PAPOLA: variants seen among roughly 807,000 people sequenced by gnomAD.
PAPOLA encodes the protein polynucleotide adenylyltransferase alpha.
In PAPOLA, 15 loss-of-function variants were observed where a neutral mutation model predicts 100.6. The observed-to-expected ratio is 0.15, with a 90% CI of 0.10 to 0.23. The LOEUF (loss-of-function observed/expected upper bound fraction) is 0.23. Ranked by LOEUF, PAPOLA falls within the 10% of genes least tolerant of loss-of-function variation. The pLI is 1.00. For missense variants in PAPOLA, 533 were observed against 884.2 expected (o/e 0.60, Z 5.04); for synonymous variants, 293 against 300.0 (o/e 0.98, Z 0.24).
chr14:96,527,888 A>G (rs1898632445), intron 5 of PAPOLA, 65 bp from the exon 6 acceptor site: 1 of 1,098,596 alleles, frequency 9.1e-7, no homozygotes. Context: ...TTGCTAAAGT[A>G]CTAAAACTAG....
chr14:96,528,023 A>G lies in PAPOLA; in HGVS notation c.495+17A>G. 1 of 1,555,736 alleles carries G rather than the reference A, an allele frequency of 6.4e-7. No homozygotes were observed. Among genetic ancestry groups the G allele is most frequent in the Non-Finnish European group, 8.9e-7 (1 of 1,127,104 alleles). ...GGGATAGAGGTAAGGTATAGTTCAA[A>G]TTGACAGTTCTTGCTATGTGCTGTC... On this transcript the variant is annotated intron_variant, in intron 6 of 21. Transcript: ENST00000216277.
intron 11 of PAPOLA, among the ~76,000 whole-genome samples, 181 bp downstream of exon 11, chr14:96,536,180 A>G: frequency 6.6e-6 from 1 of 152,130 alleles, no homozygotes; most frequent in Non-Finnish European, 1.5e-5. Flanking sequence ...CTTTTAGGCA[A>G]TTTGTTTTTT....
At chr14:96,550,345 CTT>C (rs1900747054) in intron 16 of PAPOLA, among the ~76,000 whole-genome samples, 1 of 152,038 alleles carries the variant, frequency 6.6e-6, no homozygotes, top group South Asian at 2.1e-4. Flanking sequence ...TTTTTAAACT[CTT>C]AGTATTTCCA....
intron 10 of PAPOLA, 136 bp from the exon 11 acceptor site, chr14:96,535,743 A>G (rs973533882): frequency 4.7e-6 from 4 of 855,850 alleles, no homozygotes; most frequent in African/African-American, 1.8e-5. Flanking sequence ...GTCTCTCTAC[A>G]TGGTTTTTCT....
chr14:96,533,091 T>C, intron 9 of PAPOLA: 5 of 979,730 alleles, frequency 5.1e-6, no homozygotes, highest in Non-Finnish European at 6.1e-6. Context: ...GATACGAATT[T>C]TCATAAGAAG....
intron 21 of PAPOLA, among the ~76,000 whole-genome samples, chr14:96,563,132 C>T (rs968436331): frequency 3.9e-5 from 6 of 152,148 alleles, no homozygotes; most frequent in Admixed American, 3.3e-4. Context: ...TTATTTGATA[C>T]TGCAAATCAT....
intron 17 of PAPOLA, among the ~76,000 whole-genome samples, chr14:96,554,582 G>A (rs1901131493): frequency 6.6e-6 from 1 of 152,016 alleles, no homozygotes; most frequent in Non-Finnish European, 1.5e-5. Flanking sequence ...TCAGAGTGTG[G>A]GTGATAGCTC....
intron 16 of PAPOLA, among the ~76,000 whole-genome samples, chr14:96,548,435 A>C (rs555898445): frequency 7.4e-4 from 112 of 152,278 alleles, no homozygotes; most frequent in African/African-American, 2.5e-3. Flanking sequence ...TTCTAGTGTT[A>C]GTGCTTCCTT....
At chr14:96,507,517 C>G (rs925009353) in intron 1 of PAPOLA, among the ~76,000 whole-genome samples, 1 of 151,908 alleles carries the variant, frequency 6.6e-6, no homozygotes, top group Non-Finnish European at 1.5e-5. Flanking sequence ...CCTCGTGATC[C>G]GCCTGCCTCG....
At chr14:96,502,843 C>T (rs1211899138) in intron 1 of PAPOLA, 26 of 425,630 alleles carry the variant, frequency 6.1e-5, no homozygotes, top group South Asian at 2.0e-4. Flanking sequence ...GGCCGGGGGC[C>T]TTCCCCTTCC....
Position 96,522,321 on chromosome 14 carries a change from C to T in PAPOLA, c.249+1249C>T, listed in dbSNP as rs1274504902. Among the ~76,000 whole-genome samples, 27 of 151,532 alleles carry T rather than the reference C, an allele frequency of 1.8e-4. 1 individual carries two copies. The highest frequency in any genetic ancestry group is 5.9e-5 in the Non-Finnish European group (4 of 67,898). On this transcript the variant is annotated intron_variant, in intron 3 of 21. Coordinates refer to ENST00000216277, the MANE Select transcript of PAPOLA (RefSeq NM_032632.5). The stretch of plus-strand genomic sequence containing the variant: ...TTTTAGTAGAGATGGGCTTTTGCCA[C>T]GTTGACCAGCTGGTCTCAAACTTTT...
intron 9 of PAPOLA, chr14:96,534,161 G>T: frequency 9.4e-7 from 1 of 1,065,380 alleles, no homozygotes. Flanking sequence ...TTGTCTTTCA[G>T]TGGAGATTTA....
chr14:96,537,023 A>C lies in PAPOLA; in HGVS notation c.1078A>C (p.Lys360Gln), dbSNP rs1480109176. Residue 360 changes from lysine (K) to glutamine (Q), a missense_variant, in exon 12 of 22, where the codon AAA (lysine) becomes CAA (glutamine). Physicochemically the swap from Lys to Gln is moderately conservative, Grantham distance 53. Coordinates refer to ENST00000216277, the MANE Select transcript of PAPOLA (RefSeq NM_032632.5). ...TTTGCTGAGTAAGGCAGAGTGGTCC[A>C]AACTTTTTGAAGCTCCAAACTTCTT... Reference protein sequence around the residue: ...EILLSKAEWSKLFEAPNFFQK... With the variant: ...EILLSKAEWSQLFEAPNFFQK... 6.2e-7 allele frequency: 1 copy of C among 1,609,110 alleles called. No individual in the cohort carries two copies. Among genetic ancestry groups the C allele is most frequent in the Non-Finnish European group, 8.5e-7 (1 of 1,175,512 alleles).
chr14:96,533,316 C>T (rs1456177328), intron 9 of PAPOLA: 26 of 983,792 alleles, frequency 2.6e-5, no homozygotes, highest in African/African-American at 7.0e-5. Context: ...TAAGATAAAT[C>T]GTCCATTCCT....
intron 15 of PAPOLA, among the ~76,000 whole-genome samples, chr14:96,547,173 G>C (rs1055124288): frequency 6.6e-6 from 1 of 152,058 alleles, no homozygotes; most frequent in Admixed American, 6.6e-5. Context: ...CAGTGTCTAG[G>C]ACAATATGAA....
In PAPOLA at chr14:96,552,508, C is replaced by T; in HGVS notation, c.1550C>T (p.Ala517Val). ...KHSTEGVKLT[A>V]LNDSSLDLSM... ...TCAACAGAAGGTGTCAAATTGACAG[C>T]TCTCAATGACAGCAGCCTCGACTTG... The change falls in exon 17 of 22, where the codon GCT becomes GTT. Residue 517 changes from alanine (A) to valine (V), a missense_variant. This residue lies in a region of PAPOLA where 242 missense variants were observed against 281.0 expected (regional missense o/e 0.86). Transcript: ENST00000216277. The T allele has an allele frequency of 6.2e-7, 1 of 1,613,548 alleles. No individual in the cohort carries two copies. Among genetic ancestry groups the T allele is most frequent in the Non-Finnish European group, 8.5e-7 (1 of 1,179,522 alleles).
At chr14:96,522,185 C>T (rs1331256643) in intron 3 of PAPOLA, among the ~76,000 whole-genome samples, 2 of 141,382 alleles carry the variant, frequency 1.4e-5, no homozygotes, top group African/African-American at 2.7e-5. Context: ...ACAGTGGCAC[C>T]ATCTTGGTTC....
At chr14:96,551,726 A>G (rs888892815) in intron 16 of PAPOLA, among the ~76,000 whole-genome samples, 9 of 152,232 alleles carry the variant, frequency 5.9e-5, no homozygotes, top group African/African-American at 2.2e-4. Flanking sequence ...CTCTGTTACT[A>G]GAAAGCAACT....
At chr14:96,546,123 CTTTTCAAGTTA>C (rs752026315) in intron 15 of PAPOLA, among the ~76,000 whole-genome samples, 1 of 152,082 alleles carries the variant, frequency 6.6e-6, no homozygotes, top group Non-Finnish European at 1.5e-5. Context: ...CTACCAGTTT[CTTTTCAAGTTA>C]TTTTGGTTGT....
Sources: gnomAD v4.1 joint callset for allele counts (sites outside exome capture counted in the v4.1 genomes callset) on GRCh38, gnomAD v4.1.1 for gene constraint, gnomAD v4.1.1 regional missense constraint, MANE v1.5 for transcripts, NCBI Gene and HGNC (gene_info 2026-07-23, HGNC 2026-07-21) for gene names.